Variants in PVT1 observed in about 807,000 individuals in gnomAD.
PVT1 encodes CXCR4/PVT1 fusion.
At chr8:127,800,286 C>T (rs1362360338) in intron 2 of PVT1, among the ~76,000 whole-genome samples, 3 of 151,998 alleles carry the variant, frequency 2.0e-5, no homozygotes, top group Non-Finnish European at 2.9e-5. Flanking sequence ...TTGCTGTATG[C>T]CTGGCACCGT....
At chr8:128,041,032 G>GTT (rs1435505932) in intron 4 of PVT1, among the ~76,000 whole-genome samples, 8 of 78,518 alleles carry the variant, frequency 1.0e-4, no homozygotes, top group East Asian at 7.4e-4. Flanking sequence ...GTGCTCGTGT[G>GTT]TGTTGAGTGC....
At chr8:128,081,518 A>G (rs1006545675) in intron 5 of PVT1, among the ~76,000 whole-genome samples, 3 of 152,218 alleles carry the variant, frequency 2.0e-5, no homozygotes, top group African/African-American at 7.2e-5. Context: ...AATGTCACTA[A>G]CATGATTAAT....
chr8:127,906,913 A>G (rs1380879659), intron 3 of PVT1, among the ~76,000 whole-genome samples: 2 of 151,484 alleles, frequency 1.3e-5, no homozygotes, highest in East Asian at 3.9e-4. Flanking sequence ...CCAGCCATTA[A>G]GGACTCAGCT....
At chr8:127,825,411 A>G (rs148481027) in intron 2 of PVT1, among the ~76,000 whole-genome samples, 22 of 152,318 alleles carry the variant, frequency 1.4e-4, no homozygotes, top group Non-Finnish European at 2.6e-4. Context: ...TTCTGAGGCC[A>G]GGAAGACTTG....
rs1312152108 is a variant in PVT1, at chr8:128,099,742, A to T, written n.1251+3088A>T. The T allele has an allele frequency of 1.3e-5, 2 of 152,224 alleles. 1 individual carries two copies. Among genetic ancestry groups the T allele is most frequent in the African/African-American group, 4.8e-5 (2 of 41,454 alleles). The allele number at this position is 152,224 out of a possible 1,614,324, so 9.4% of individuals were successfully genotyped here. ...AAATCTTCCAGTACAGTTTCTATGT[A>T]CATATATATATTTTTAGGAAGGAGA... On this transcript the variant is annotated intron_variant and non_coding_transcript_variant, in intron 6 of 10. Coordinates refer to ENST00000651587, the Ensembl canonical transcript of PVT1.
At chr8:128,006,140 AATAAT>A (rs201634769) in intron 4 of PVT1, among the ~76,000 whole-genome samples, 3,189 of 142,240 alleles carry the variant, frequency 0.022, 126 homozygotes, top group African/African-American at 0.078. Context: ...TAATAATAAT[AATAAT>A]AATAAAAAGA....
intron 3 of PVT1, among the ~76,000 whole-genome samples, chr8:127,963,885 A>G (rs1816674407): frequency 6.6e-6 from 1 of 152,138 alleles, no homozygotes; most frequent in Admixed American, 6.5e-5. Context: ...GTTTGAATAT[A>G]TATTGACTGA....
At chr8:127,815,860 T>C (rs1163303954) in intron 2 of PVT1, among the ~76,000 whole-genome samples, 2 of 152,176 alleles carry the variant, frequency 1.3e-5, no homozygotes, top group Non-Finnish European at 2.9e-5. Context: ...GTGTGGTGGC[T>C]CATGCCTGTA....
chr8:128,051,600 TGTCCCATAA>T (rs1362829754), intron 4 of PVT1, among the ~76,000 whole-genome samples: 1 of 152,194 alleles, frequency 6.6e-6, no homozygotes, highest in East Asian at 1.9e-4. Context: ...CACTTGATGG[TGTCCCATAA>T]GTCCCATAGG....
intron 4 of PVT1, among the ~76,000 whole-genome samples, chr8:128,035,512 G>T (rs192616921): frequency 7.4e-4 from 112 of 152,302 alleles, no homozygotes; most frequent in Non-Finnish European, 1.2e-3. Flanking sequence ...CTTGCTAGGT[G>T]CTGGGAATGT....
intron 2 of PVT1, among the ~76,000 whole-genome samples, chr8:127,839,655 G>A (rs1455638014): frequency 1.3e-5 from 2 of 151,942 alleles, no homozygotes. Flanking sequence ...CAGGCAGAGG[G>A]CATACGAAAC....
intron 4 of PVT1, among the ~76,000 whole-genome samples, chr8:128,035,899 G>C (rs1813456171): frequency 6.6e-6 from 1 of 152,234 alleles, no homozygotes; most frequent in African/African-American, 2.4e-5. Context: ...AGCTCCAGAA[G>C]GACCCAGCCC....
intron 3 of PVT1, among the ~76,000 whole-genome samples, chr8:127,894,796 C>T (rs1586425559): frequency 6.6e-6 from 1 of 152,340 alleles, no homozygotes; most frequent in South Asian, 2.1e-4. Context: ...ATTTGCGGTA[C>T]TCTGGCTGTG....
intron 2 of PVT1, among the ~76,000 whole-genome samples, chr8:127,809,049 AAAAAAAG>A: frequency 6.7e-6 from 1 of 150,190 alleles, no homozygotes; most frequent in Non-Finnish European, 1.5e-5. Context: ...AAAAAAAAAA[AAAAAAAG>A]AAAGAAAAAA....
intron 2 of PVT1, among the ~76,000 whole-genome samples, chr8:127,850,756 C>A (rs148743684): frequency 6.6e-6 from 1 of 152,200 alleles, no homozygotes; most frequent in Non-Finnish European, 1.5e-5. Flanking sequence ...CGGTGGCTCA[C>A]GCCTGTAATC....
chr8:128,035,546 G>T (rs1414084461), intron 4 of PVT1, among the ~76,000 whole-genome samples: 1 of 152,134 alleles, frequency 6.6e-6, no homozygotes, highest in African/African-American at 2.4e-5. Context: ...ACAGTGCAGG[G>T]TACAGACAAG....
chr8:127,888,936 C>T (rs1019422800), intron 2 of PVT1, among the ~76,000 whole-genome samples: 21 of 152,088 alleles, frequency 1.4e-4, no homozygotes, highest in Non-Finnish European at 2.4e-4. Flanking sequence ...TGGCAGTAAT[C>T]GTTGCTTTTG....
chr8:128,055,343 C>G (rs1813750596), intron 4 of PVT1, among the ~76,000 whole-genome samples: 1 of 152,142 alleles, frequency 6.6e-6, no homozygotes, highest in South Asian at 2.1e-4. Flanking sequence ...CAAGAACTGC[C>G]AATGCTGAGG....
At chr8:128,046,910 A>G (rs1421565218) in intron 4 of PVT1, among the ~76,000 whole-genome samples, 2 of 152,182 alleles carry the variant, frequency 1.3e-5, no homozygotes, top group Non-Finnish European at 2.9e-5. Context: ...CCAGGGGACC[A>G]AGGAGTGGGG....
Sources: gnomAD v4.1 joint callset for allele counts (sites outside exome capture counted in the v4.1 genomes callset) on GRCh38, gnomAD v4.1.1 for gene constraint, MANE v1.5 for transcripts, NCBI Gene and HGNC (gene_info 2026-07-23, HGNC 2026-07-21) for gene names.